CDV3: variants seen among roughly 807,000 people sequenced by gnomAD.
CDV3 encodes the protein CDV3 homolog.
In CDV3, 14 loss-of-function variants were observed where a neutral mutation model predicts 24.5. The ratio of observed to expected loss-of-function variants is 0.57; its 90% CI spans 0.38 to 0.89. The LOEUF (loss-of-function observed/expected upper bound fraction) is 0.89. Among genes scored for constraint, CDV3 ranks in the 40% least tolerant of loss-of-function variants. CDV3 has a pLI of 0.00. For synonymous variants in CDV3, 114 were observed against 114.1 expected, an observed-to-expected ratio of 1.00 and a Z score of 0.00; for missense variants, 304 against 310.2, an observed-to-expected ratio of 0.98 and a Z score of 0.15.
At chr3:133,581,801 G>A (rs1264115213) in intron 2 of CDV3, among the ~76,000 whole-genome samples, 1 of 152,132 alleles carries the variant, frequency 6.6e-6, no homozygotes, top group African/African-American at 2.4e-5. Flanking sequence ...GTATATAGAT[G>A]TTGTTTTAGT....
Position 133,582,904 on chromosome 3 carries a change from C to T in CDV3, c.318-1098C>T, listed in dbSNP as rs561243815. Among the ~76,000 whole-genome samples, 12 of 152,272 alleles carry T rather than the reference C, an allele frequency of 7.9e-5. No individual in the cohort carries two copies. In the East Asian group the frequency reaches 2.3e-3, roughly 29 times the overall value. ...GCTTTAATATCCCTGTTGTCAGTAT[C>T]CCTTTTGTCAAGAGACAAAAGATAA... On this transcript the variant is annotated intron_variant, in intron 2 of 4. Coordinates refer to ENST00000264993, the MANE Select transcript of CDV3 (RefSeq NM_017548.5).
intron 2 of CDV3, among the ~76,000 whole-genome samples, chr3:133,576,127 T>C (rs750946641): frequency 1.3e-5 from 2 of 152,220 alleles, no homozygotes; most frequent in Non-Finnish European, 2.9e-5. Flanking sequence ...ATTATTGACA[T>C]TTGTTGAACA....
At position 133,588,553 on chromosome 3, in the gene CDV3, ATTT is replaced by A. The variant is rs1933836043; in HGVS notation, c.*508_*510del. On this transcript the variant is annotated 3_prime_UTR_variant, in exon 5 of 5. Coordinates refer to ENST00000264993, the MANE Select transcript of CDV3 (RefSeq NM_017548.5). Reference sequence around the variant, plus strand: ...TTCTGATCTGCTGTAAAAGATGAAGATTTAAGTGACCTTAATTAACCTGTCCTG... The same window carrying A: ...TTCTGATCTGCTGTAAAAGATGAAGAAAGTGACCTTAATTAACCTGTCCTG... The A allele has an allele frequency of 1.6e-6, 1 of 634,786 alleles. No individual in the cohort carries two copies. Among genetic ancestry groups the A allele is most frequent in the Non-Finnish European group, 2.7e-6 (1 of 364,284 alleles). The allele number at this position is 634,786 out of a possible 1,614,324, so 39.3% of individuals were successfully genotyped here.
At chr3:133,578,961 A>T (rs1449470090) in intron 2 of CDV3, among the ~76,000 whole-genome samples, 1 of 152,202 alleles carries the variant, frequency 6.6e-6, no homozygotes, top group East Asian at 1.9e-4. Context: ...AATCTTAGAG[A>T]ATATTTTTGC....
rs1559793002 is a variant in CDV3 at position 133,587,948 on chromosome 3, A to G, written c.679A>G (p.Arg227Gly). Residue 227 changes from arginine (R) to glycine (G), a missense_variant, in exon 5 of 5, where the codon AGG becomes GGG. Physicochemically the swap from Arg to Gly is moderately radical, Grantham distance 125. Around this residue, in one of 3 missense-constraint regions of CDV3, gnomAD observed 56 missense variants for 50.9 expected, o/e 1.10. Coordinates refer to ENST00000264993, the MANE Select transcript of CDV3 (RefSeq NM_017548.5). ...FEVVRHKNRG[R>G]DEVSKNQALK... ...AGTAGTAAGACACAAAAATAGAGGT[A>G]GGGATGAGGTTTCAAAAAACCAGGC... 2 of 1,613,644 alleles carry G rather than the reference A, an allele frequency of 1.2e-6. No homozygotes were observed. The highest frequency in any genetic ancestry group is 1.7e-6 in the Non-Finnish European group (2 of 1,179,508).
At chr3:133,577,912 C>T (rs1471115963) in intron 2 of CDV3, among the ~76,000 whole-genome samples, 2 of 152,126 alleles carry the variant, frequency 1.3e-5, no homozygotes, top group Admixed American at 1.3e-4. Flanking sequence ...GAGAGGGAAG[C>T]CATTGAGGTG....
In CDV3 at chr3:133,586,585, G is replaced by T; in HGVS notation, c.489G>T (p.Ala163=). The change falls in exon 4 of 5, where the codon GCG becomes GCT. Residue 163 remains alanine, a synonymous_variant. Coordinates refer to ENST00000264993, the MANE Select transcript of CDV3 (RefSeq NM_017548.5). ...TAGTTACAGAAACCCCAGAACCAGCGATGACTAGTGGTGTGTATAGGCCTC... is the reference window on the plus strand; with the variant it reads ...TAGTTACAGAAACCCCAGAACCAGCTATGACTAGTGGTGTGTATAGGCCTC... ...PVIVTETPEP[A]MTSGVYRPPG... The T allele has an allele frequency of 6.3e-7, 1 of 1,591,540 alleles. No individual in the cohort carries two copies. Among genetic ancestry groups the T allele is most frequent in the Non-Finnish European group, 8.6e-7 (1 of 1,161,174 alleles).
At position 133,573,995 on chromosome 3, in the gene CDV3, G is replaced by C. The variant is rs2074702788; in HGVS notation, c.-50G>C. On this transcript the variant is annotated 5_prime_UTR_variant, in exon 1 of 5. Coordinates refer to ENST00000264993, the MANE Select transcript of CDV3 (RefSeq NM_017548.5). The stretch of plus-strand genomic sequence containing the variant: ...TCGACCCCGAGCTCGGAGCCCCGCG[G>C]GCCGCGCCCGCCGCCGGCCCCACCC... 6 of 1,020,186 alleles carry C rather than the reference G, an allele frequency of 5.9e-6. No homozygotes were observed. Among genetic ancestry groups the C allele is most frequent in the Admixed American group, 5.8e-5 (1 of 17,356 alleles). The allele number at this position is 1,020,186 out of a possible 1,614,324, so 63.2% of individuals were successfully genotyped here. A position where few individuals can be genotyped will look rare whatever the true frequency, so the allele number is the denominator to read the frequency against.
chr3:133,575,895 A>ATATGGT (rs1434342521), intron 2 of CDV3, among the ~76,000 whole-genome samples: 3 of 152,196 alleles, frequency 2.0e-5, no homozygotes, highest in Non-Finnish European at 4.4e-5. Flanking sequence ...ACAAATGAAG[A>ATATGGT]TATGGTTCTG....
chr3:133,576,048 C>CT (rs2074793865), intron 2 of CDV3, among the ~76,000 whole-genome samples: 1 of 152,258 alleles, frequency 6.6e-6, no homozygotes, highest in African/African-American at 2.4e-5. Flanking sequence ...TAACTGAAAA[C>CT]TGTCTTTTGA....
chr3:133,579,219 A>G (rs2074927470), intron 2 of CDV3, among the ~76,000 whole-genome samples: 1 of 152,214 alleles, frequency 6.6e-6, no homozygotes, highest in Non-Finnish European at 1.5e-5. Context: ...CTTTTGTAGC[A>G]TCATTATTCT....
At position 133,588,952 on chromosome 3, in the gene CDV3, G is replaced by A. The variant is rs994782108; in HGVS notation, c.*906G>A. 2 of 152,698 alleles carry A rather than the reference G, an allele frequency of 1.3e-5. No individual in the cohort carries two copies. Among genetic ancestry groups the A allele is most frequent in the African/African-American group, 4.8e-5 (2 of 41,418 alleles). The allele number at this position is 152,698 out of a possible 1,614,324, so 9.5% of individuals were successfully genotyped here. ...AACCTAAAGTATGCATTAGGATTGT[G>A]AAATGTCTCGTGAGTATGCCAATCC... is the stretch of plus-strand genomic sequence containing the variant. On this transcript the variant is annotated 3_prime_UTR_variant, in exon 5 of 5. Transcript: ENST00000264993.
At chr3:133,578,187 A>G (rs540082643) in intron 2 of CDV3, among the ~76,000 whole-genome samples, 12 of 152,010 alleles carry the variant, frequency 7.9e-5, no homozygotes, top group East Asian at 1.9e-4. Context: ...GATGAGGTCT[A>G]TTTTACCTAG....
chr3:133,582,412 A>G (rs1576649286), intron 2 of CDV3, among the ~76,000 whole-genome samples: 2 of 152,374 alleles, frequency 1.3e-5, no homozygotes, highest in South Asian at 2.1e-4. Flanking sequence ...TCAGCTCCCA[A>G]AGTGCTGGGA....
chr3:133,574,289 G>GGGGCCGGGAGGCCGGCACTCGGGGCCC lies in CDV3; in HGVS notation c.240+12_240+38dup. 1 of 978,350 alleles carries GGGGCCGGGAGGCCGGCACTCGGGGCCC rather than the reference G, an allele frequency of 1.0e-6. No homozygotes were observed. The highest frequency in any genetic ancestry group is 1.2e-6 in the Non-Finnish European group (1 of 823,228). The allele number at this position is 978,350 out of a possible 1,614,324, so 60.6% of individuals were successfully genotyped here. A position where few individuals can be genotyped will look rare whatever the true frequency, so the allele number is the denominator to read the frequency against. The stretch of plus-strand genomic sequence containing the variant: ...GCCACCAAGGCTGTGACGAAGGTGA[G>GGGGCCGGGAGGCCGGCACTCGGGGCCC]GGGCCGGGAGGCCGGCACTCGGGGC... On this transcript the variant is annotated splice_donor_region_variant and intron_variant, in intron 1 of 4. Coordinates refer to ENST00000264993, the MANE Select transcript of CDV3 (RefSeq NM_017548.5).
In CDV3 at chr3:133,589,255, G is replaced by A. The variant is rs1465487755; in HGVS notation, c.*1209G>A. ...ATGTACTTGTGCCTAGTTTTTCAAG[G>A]TATTGGCTGTTCTATAGATGCAGTG... On this transcript the variant is annotated 3_prime_UTR_variant, in exon 5 of 5. Transcript: ENST00000264993. 6.6e-6 allele frequency: 1 copy of A among 152,604 alleles called. No homozygotes were observed. The allele number at this position is 152,604 out of a possible 1,614,324, so 9.5% of individuals were successfully genotyped here.
rs780900954 is a variant in CDV3 at position 133,587,953 on chromosome 3, T to G, written c.684T>G (p.Asp228Glu). 9.9e-6 allele frequency: 16 copies of G among 1,613,910 alleles called. No individual in the cohort carries two copies. Among genetic ancestry groups the G allele is most frequent in the Admixed American group, 1.7e-5 (1 of 60,018 alleles). ...EVVRHKNRGR[D>E]EVSKNQALKL... Reference sequence around the variant, plus strand: ...TAAGACACAAAAATAGAGGTAGGGATGAGGTTTCAAAAAACCAGGCCCTTA... The same window carrying G: ...TAAGACACAAAAATAGAGGTAGGGAGGAGGTTTCAAAAAACCAGGCCCTTA... Residue 228 changes from aspartate (D) to glutamate (E), a missense_variant, in exon 5 of 5, where the codon GAT becomes GAG. Coordinates refer to ENST00000264993, the MANE Select transcript of CDV3 (RefSeq NM_017548.5).
At position 133,588,210 on chromosome 3, in the gene CDV3, C is replaced by G. The variant is rs1383455698; in HGVS notation, c.*164C>G. 1.3e-6 allele frequency: 2 copies of G among 1,537,176 alleles called. No homozygotes were observed. The highest frequency in any genetic ancestry group is 1.4e-5 in the African/African-American group (1 of 72,570). ...TGGAAGTTAAAGTGTCACGACTGCT[C>G]TATGCATATTGGATTTAGGGGAATT... is the stretch of plus-strand genomic sequence containing the variant. On this transcript the variant is annotated 3_prime_UTR_variant, in exon 5 of 5. Coordinates refer to ENST00000264993, the MANE Select transcript of CDV3 (RefSeq NM_017548.5).
In CDV3 at chr3:133,575,913, A is replaced by G. The variant is rs147734009; in HGVS notation, c.317+798A>G. 2.5e-3 allele frequency among the ~76,000 whole-genome samples: 377 copies of G among 152,334 alleles called. 2 individuals carry two copies. Among genetic ancestry groups the G allele is most frequent in the African/African-American group, 8.8e-3 (364 of 41,574 alleles). On this transcript the variant is annotated intron_variant, in intron 2 of 4. Coordinates refer to ENST00000264993, the MANE Select transcript of CDV3 (RefSeq NM_017548.5). ...AATGAAGATATGGTTCTGCTGTAAG[A>G]TGAAAAAATCCTTTGCTCCCGGTTT...
Sources: gnomAD v4.1 joint callset for allele counts (sites outside exome capture counted in the v4.1 genomes callset) on GRCh38, gnomAD v4.1.1 for gene constraint, gnomAD v4.1.1 regional missense constraint, MANE v1.5 for transcripts, NCBI Gene and HGNC (gene_info 2026-07-23, HGNC 2026-07-21) for gene names.